Variants in IRF2 observed in about 807,000 individuals in gnomAD.
IRF2 encodes the protein interferon regulatory factor 2.
IRF2 carries 15 observed loss-of-function variants against 40.6 expected under a neutral mutation model. The observed-to-expected ratio is 0.37, with a 90% CI of 0.25 to 0.57. IRF2 has a LOEUF of 0.57. Among genes scored for constraint, IRF2 ranks in the 20% least tolerant of loss-of-function variants. The pLI, the probability that IRF2 is intolerant of heterozygous loss-of-function variation, is 0.77. For synonymous variants in IRF2, 151 were observed against 165.5 expected (o/e 0.91, Z 0.67); for missense variants, 317 against 455.7 (o/e 0.70, Z 2.77).
At chr4:184,455,625 C>A (rs919818608) in intron 1 of IRF2, among the ~76,000 whole-genome samples, 6 of 151,926 alleles carry the variant, frequency 3.9e-5, no homozygotes, top group Non-Finnish European at 7.4e-5. Context: ...ATGAATCCCT[C>A]CTGGAAAACT....
In IRF2 at chr4:184,408,782, T is replaced by C. The variant is rs1480064640; in HGVS notation, c.412-507A>G. ...TGTAGATGAATTCTCTGCAGATAAGTTTTGCCATGGCCTCTGGCCACCTGA... is the reference window on the plus strand; with the variant it reads ...TGTAGATGAATTCTCTGCAGATAAGCTTTGCCATGGCCTCTGGCCACCTGA... On this transcript the variant is annotated intron_variant, in intron 5 of 8. Transcript: ENST00000393593. This position sits in a 1 kb window ranked among gnomAD's most constrained non-coding sequence, Gnocchi z 4.9. 2.0e-5 allele frequency among the ~76,000 whole-genome samples: 3 copies of C among 152,176 alleles called. No individual in the cohort carries two copies. The highest frequency in any genetic ancestry group is 7.2e-5 in the African/African-American group (3 of 41,442).
intron 6 of IRF2, among the ~76,000 whole-genome samples, chr4:184,407,490 G>A (rs936713916): frequency 6.6e-6 from 1 of 152,200 alleles, no homozygotes; most frequent in Non-Finnish European, 1.5e-5. Flanking sequence ...TGTTACGAAG[G>A]AGGGAAAACA....
intron 1 of IRF2, among the ~76,000 whole-genome samples, chr4:184,462,152 T>C (rs961716957): frequency 6.6e-6 from 1 of 152,228 alleles, no homozygotes; most frequent in Non-Finnish European, 1.5e-5. Flanking sequence ...CTTCTGTCAG[T>C]TGCAAATCCC....
In IRF2 at chr4:184,474,441, A is replaced by G. The variant is rs10024792; in HGVS notation, c.-69T>C. 0.98 allele frequency: 148,590 copies of G among 152,368 alleles called. 72,583 individuals carry two copies. The highest frequency in any genetic ancestry group is 1 in the East Asian group (5,194 of 5,194). 9.4% of individuals were successfully genotyped at this position (152,368 alleles called of 1,614,324 possible). ...CGCAAGGTATAAGTGTTGCTAGGGT[A>G]TGTGAAATGGAAATGAAAGCCCGTC... On this transcript the variant is annotated 5_prime_UTR_variant, in exon 1 of 9. Coordinates refer to ENST00000393593, the MANE Select transcript of IRF2 (RefSeq NM_002199.4). This position sits in a 1 kb window ranked among gnomAD's most constrained non-coding sequence, Gnocchi z 5.6.
intron 1 of IRF2, among the ~76,000 whole-genome samples, chr4:184,455,969 T>C (rs1419667432): frequency 1.3e-5 from 2 of 152,202 alleles, no homozygotes; most frequent in Admixed American, 1.3e-4. Context: ...GGACTTACCC[T>C]GCAAAGACGA....
chr4:184,466,196 G>T (rs527906998), intron 1 of IRF2, among the ~76,000 whole-genome samples: 11 of 151,850 alleles, frequency 7.2e-5, no homozygotes, highest in African/African-American at 1.7e-4. Flanking sequence ...GACTACAGGT[G>T]CCCGCCACCA....
At chr4:184,404,751 G>A (rs191402156) in intron 6 of IRF2, among the ~76,000 whole-genome samples, 8 of 152,294 alleles carry the variant, frequency 5.3e-5, no homozygotes, top group East Asian at 1.9e-4. Flanking sequence ...AGATCACCGC[G>A]GGGCCGGTGA....
At chr4:184,461,684 G>T (rs1156926708) in intron 1 of IRF2, among the ~76,000 whole-genome samples, 1 of 40,742 alleles carries the variant, frequency 2.5e-5, no homozygotes, top group East Asian at 7.7e-4. Flanking sequence ...TCCTCTACCC[G>T]CCCCCCCACC....
At chr4:184,416,730 C>CA (rs34454979) in intron 5 of IRF2, among the ~76,000 whole-genome samples, 27,521 of 151,686 alleles carry the variant, frequency 0.18, 3,061 homozygotes, top group Non-Finnish European at 0.25. Context: ...AAAAATAGTT[C>CA]AAAAAAAAGC....
At chr4:184,464,809 CAT>C (rs1286212145) in intron 1 of IRF2, among the ~76,000 whole-genome samples, 1 of 152,166 alleles carries the variant, frequency 6.6e-6, no homozygotes, top group African/African-American at 2.4e-5. Flanking sequence ...CTTTTCATCC[CAT>C]GTCAGGGGAG....
At chr4:184,434,187 T>C (rs1482931237) in intron 1 of IRF2, among the ~76,000 whole-genome samples, 1 of 152,200 alleles carries the variant, frequency 6.6e-6, no homozygotes, top group East Asian at 1.9e-4. Flanking sequence ...AGAAGGCAGG[T>C]AGCTCAGTGG....
chr4:184,393,409 T>C (rs1442657480), intron 7 of IRF2, among the ~76,000 whole-genome samples: 1 of 152,242 alleles, frequency 6.6e-6, no homozygotes, highest in Non-Finnish European at 1.5e-5. Flanking sequence ...TGTCTTCTTT[T>C]CCTTTCCCCT....
chr4:184,468,883 AG>A (rs1192272367), intron 1 of IRF2, among the ~76,000 whole-genome samples: 1 of 152,194 alleles, frequency 6.6e-6, no homozygotes, highest in Non-Finnish European at 1.5e-5. Context: ...CAACACACAC[AG>A]GTTCTGTCTC....
intron 2 of IRF2, among the ~76,000 whole-genome samples, chr4:184,423,629 C>T (rs1410203426): frequency 6.6e-6 from 1 of 152,134 alleles, no homozygotes; most frequent in African/African-American, 2.4e-5. Flanking sequence ...CATCAATAAC[C>T]CCACCAGAGT....
Position 184,428,959 on chromosome 4 carries a change from C to G in IRF2, c.87+19G>C. On this transcript the variant is annotated intron_variant, in intron 2 of 8. Transcript: ENST00000393593. ...AGCCAGGACCTCTCTCACACATACA[C>G]CCACCCTGACCCACTCACCTTGTTA... is the stretch of plus-strand genomic sequence containing the variant. The G allele has an allele frequency of 6.2e-7, 1 of 1,604,444 alleles. No homozygotes were observed. The highest frequency in any genetic ancestry group is 8.5e-7 in the Non-Finnish European group (1 of 1,171,176).
chr4:184,420,429 G>T (rs992208829), intron 2 of IRF2, among the ~76,000 whole-genome samples: 2 of 152,148 alleles, frequency 1.3e-5, no homozygotes, highest in Non-Finnish European at 2.9e-5. Context: ...AATCCCTGTG[G>T]GTCTACTGCC....
chr4:184,399,807 A>G (rs1736603130), intron 6 of IRF2, among the ~76,000 whole-genome samples: 1 of 152,224 alleles, frequency 6.6e-6, no homozygotes, highest in African/African-American at 2.4e-5. Context: ...CGGAACACTG[A>G]TAAGATGGAT....
intron 2 of IRF2, 144 bp downstream of exon 2, chr4:184,428,834 G>A (rs1737765354): frequency 1.4e-6 from 1 of 734,244 alleles, no homozygotes; most frequent in Non-Finnish European, 2.5e-6. Flanking sequence ...ATAACTTGAT[G>A]TTTTATGATC....
At chr4:184,391,167 T>C (rs1002514099) in intron 7 of IRF2, among the ~76,000 whole-genome samples, 13 of 152,230 alleles carry the variant, frequency 8.5e-5, no homozygotes, top group African/African-American at 3.1e-4. Flanking sequence ...ACTCAGATCC[T>C]TCCTTTACCT....
Sources: gnomAD v4.1 joint callset for allele counts (sites outside exome capture counted in the v4.1 genomes callset) on GRCh38, gnomAD v4.1.1 for gene constraint, Gnocchi (gnomAD v3.1) non-coding constraint, MANE v1.5 for transcripts, NCBI Gene and HGNC (gene_info 2026-07-23, HGNC 2026-07-21) for gene names.